The following EIPR1 variants were observed in gnomAD, a reference collection of about 807,000 sequenced individuals.
The protein encoded by EIPR1 is EARP complex and GARP complex interacting protein 1, also known as EARP and GARP complex-interacting protein 1.
EIPR1 carries 25 observed loss-of-function variants against 48.1 expected under a neutral mutation model. That is an observed-to-expected ratio of 0.52 (90% CI 0.38 to 0.73). The LOEUF is 0.73. Among genes scored for constraint, EIPR1 ranks in the 30% least tolerant of loss-of-function variants. The pLI, the probability that EIPR1 is intolerant of heterozygous loss-of-function variation, is 0.00. For synonymous variants in EIPR1, 204 were observed against 201.9 expected (o/e 1.01, Z -0.09); for missense variants, 415 against 506.2 (o/e 0.82, Z 1.73).
intron 3 of EIPR1, among the ~76,000 whole-genome samples, chr2:3,321,728 G>C (rs1449541000): frequency 7.2e-5 from 11 of 152,156 alleles, no homozygotes; most frequent in Admixed American, 7.2e-4. Context: ...TTTTCACTAT[G>C]AGCAGAGAGC....
chr2:3,247,890 T>C (rs1031897945), intron 4 of EIPR1, among the ~76,000 whole-genome samples: 1 of 152,360 alleles, frequency 6.6e-6, no homozygotes, highest in South Asian at 2.1e-4. Flanking sequence ...CCTCAATTTC[T>C]GTAACAGTCA....
intron 6 of EIPR1, among the ~76,000 whole-genome samples, chr2:3,196,589 T>G (rs1395578413): frequency 6.6e-6 from 1 of 152,186 alleles, no homozygotes; most frequent in African/African-American, 2.4e-5. Context: ...TCTCGCTCAG[T>G]GTTACAAAAG....
rs909138274 is a variant in EIPR1, at chr2:3,214,188, G to T, written c.477C>A (p.Ile159=). The change falls in exon 5 of 9, where the codon ATC becomes ATA. Residue 159 remains isoleucine (I), a synonymous_variant. Coordinates refer to ENST00000382125, the MANE Select transcript of EIPR1 (RefSeq NM_003310.5). ...AGCTTTCCTGTAAATCCCACAGCAG[G>T]ATATGGTTATCAGCCAAGGAAATGA... The part of the protein sequence containing the change: ...KKIISLADNH[I]LLWDLQESSS... The T allele has an allele frequency of 1.9e-6, 3 of 1,613,682 alleles. No individual in the cohort carries two copies. The highest frequency in any genetic ancestry group is 2.5e-6 in the Non-Finnish European group (3 of 1,179,822).
chr2:3,242,958 C>T (rs1666684004), intron 4 of EIPR1, among the ~76,000 whole-genome samples: 1 of 152,136 alleles, frequency 6.6e-6, no homozygotes, highest in South Asian at 2.1e-4. Context: ...TCCCTTTGAT[C>T]AAATCTGCAG....
chr2:3,225,948 T>C (rs935557927), intron 4 of EIPR1, among the ~76,000 whole-genome samples: 8 of 152,280 alleles, frequency 5.3e-5, no homozygotes, highest in African/African-American at 1.9e-4. Flanking sequence ...TCGTCCATAT[T>C]GTTTCAAACG....
intron 5 of EIPR1, among the ~76,000 whole-genome samples, chr2:3,204,728 TGA>T (rs1365749930): frequency 6.6e-6 from 1 of 152,170 alleles, no homozygotes; most frequent in Admixed American, 6.5e-5. Context: ...CGGAAGATTT[TGA>T]GAGACAAAAA....
chr2:3,293,345 G>A (rs1227393085), intron 3 of EIPR1, among the ~76,000 whole-genome samples: 4 of 152,186 alleles, frequency 2.6e-5, no homozygotes, highest in South Asian at 2.1e-4. Context: ...CAGGAGGGGC[G>A]TGGTGGAAGA....
intron 2 of EIPR1, among the ~76,000 whole-genome samples, chr2:3,351,988 GC>G (rs1572477014): frequency 1.3e-5 from 2 of 148,620 alleles, no homozygotes; most frequent in East Asian, 3.9e-4. Flanking sequence ...GCATATCCAT[GC>G]TACAGAAGCT....
Position 3,194,058 on chromosome 2 carries a change from C to T in EIPR1, c.762G>A (p.Lys254=). 2 of 1,613,926 alleles carry T rather than the reference C, an allele frequency of 1.2e-6. No homozygotes were observed. Among genetic ancestry groups the T allele is most frequent in the Non-Finnish European group, 1.7e-6 (2 of 1,180,020 alleles). The stretch of plus-strand genomic sequence containing the variant: ...CGGTGACATTTCGGGTGTCCCAGAA[C>T]TTCACCTTACAGTCGTCTCCGCAGC... ...LASCGDDCKV[K]FWDTRNVTEP... is the part of the protein sequence containing the mutation. The change falls in exon 7 of 9, where the codon AAG becomes AAA. Residue 254 remains lysine (K), a synonymous_variant. Coordinates refer to ENST00000382125, the MANE Select transcript of EIPR1 (RefSeq NM_003310.5).
chr2:3,198,234 C>G (rs1022317715), intron 5 of EIPR1, among the ~76,000 whole-genome samples: 1 of 152,208 alleles, frequency 6.6e-6, no homozygotes, highest in Non-Finnish European at 1.5e-5. Flanking sequence ...CCTGGTGTCT[C>G]CCAGCAAGAG....
At chr2:3,299,759 G>A (rs755102780) in intron 3 of EIPR1, among the ~76,000 whole-genome samples, 85 of 151,950 alleles carry the variant, frequency 5.6e-4, no homozygotes, top group Non-Finnish European at 9.3e-4. Flanking sequence ...AATCTTATAC[G>A]TCCCTAAGAT....
At chr2:3,349,766 T>C (rs1216249510) in intron 2 of EIPR1, among the ~76,000 whole-genome samples, 2 of 152,094 alleles carry the variant, frequency 1.3e-5, no homozygotes, top group African/African-American at 4.8e-5. Context: ...GAAAGCACAC[T>C]GCAAGATGGG....
At chr2:3,212,248 T>C (rs1034801188) in intron 5 of EIPR1, among the ~76,000 whole-genome samples, 2 of 152,186 alleles carry the variant, frequency 1.3e-5, no homozygotes, top group African/African-American at 2.4e-5. Flanking sequence ...TGAAATCCAT[T>C]TGAGATGACC....
intron 5 of EIPR1, among the ~76,000 whole-genome samples, chr2:3,210,009 C>T (rs1665388045): frequency 6.6e-6 from 1 of 152,098 alleles, no homozygotes; most frequent in African/African-American, 2.4e-5. Flanking sequence ...AGAGGGAGCC[C>T]TAATGTCAAC....
intron 3 of EIPR1, among the ~76,000 whole-genome samples, chr2:3,283,175 C>A (rs1668067501): frequency 6.6e-6 from 1 of 152,194 alleles, no homozygotes; most frequent in Non-Finnish European, 1.5e-5. Flanking sequence ...CAACCCTTGG[C>A]TCCCACTGCC....
At chr2:3,318,624 A>C (rs1335132276) in intron 3 of EIPR1, among the ~76,000 whole-genome samples, 1 of 152,118 alleles carries the variant, frequency 6.6e-6, no homozygotes, top group African/African-American at 2.4e-5. Flanking sequence ...CTAAACAAAA[A>C]ACACAGGTGC....
chr2:3,328,179 C>T (rs1015271351), intron 3 of EIPR1, among the ~76,000 whole-genome samples: 5 of 152,238 alleles, frequency 3.3e-5, no homozygotes, highest in African/African-American at 9.6e-5. Context: ...TCCGTGCTCA[C>T]ACCTGTCACA....
chr2:3,298,960 T>C (rs555036333), intron 3 of EIPR1, among the ~76,000 whole-genome samples: 1 of 152,272 alleles, frequency 6.6e-6, no homozygotes, highest in South Asian at 2.1e-4. Context: ...TCCTGCTCAC[T>C]GCGCTCAGAT....
chr2:3,235,462 A>ACACCCC (rs34325654), intron 4 of EIPR1, among the ~76,000 whole-genome samples: 17 of 151,652 alleles, frequency 1.1e-4, no homozygotes, highest in African/African-American at 3.4e-4. Flanking sequence ...ACACACACAC[A>ACACCCC]CCCCCCAATA....
Sources: allele counts gnomAD v4.1 joint callset (sites outside exome capture counted in the v4.1 genomes callset), GRCh38; gene constraint gnomAD v4.1.1; transcripts MANE v1.5; gene names NCBI Gene and HGNC (gene_info 2026-07-23, HGNC 2026-07-21).